Variants in GLIS3 observed in about 807,000 individuals in gnomAD.
The protein encoded by GLIS3 is GLIS family zinc finger 3.
Under a neutral mutation model 78.6 loss-of-function variants are expected in GLIS3, and 53 were observed. The observed-to-expected ratio is 0.67, with a 90% CI of 0.54 to 0.85. The LOEUF (loss-of-function observed/expected upper bound fraction) is 0.85, where lower values mean the gene tolerates loss of function less well. Ranked by LOEUF, GLIS3 falls within the 40% of genes least tolerant of loss-of-function variation. The pLI is 0.00. For synonymous variants in GLIS3, 684 were observed against 509.9 expected (o/e 1.34, Z -4.60); for missense variants, 1,703 against 1,231.1 (o/e 1.38, Z -5.74).
At chr9:4,156,428 A>G (rs552492013) in intron 2 of GLIS3, among the ~76,000 whole-genome samples, 3 of 152,266 alleles carry the variant, frequency 2.0e-5, no homozygotes, top group Admixed American at 6.5e-5. Flanking sequence ...TATCCACCCA[A>G]TACACACTTA....
chr9:3,982,191 C>G (rs1023762070), intron 4 of GLIS3, among the ~76,000 whole-genome samples: 1 of 151,886 alleles, frequency 6.6e-6, no homozygotes, highest in African/African-American at 2.4e-5. Flanking sequence ...CCTCTACCAG[C>G]AGGAGGTACC....
the GLIS3 span, among the ~76,000 whole-genome samples, chr9:4,355,905 T>C: frequency 6.6e-6 from 1 of 152,356 alleles, no homozygotes; most frequent in East Asian, 1.9e-4. Flanking sequence ...AAATGTTCTA[T>C]ATCTTGATTA....
intron 2 of GLIS3, among the ~76,000 whole-genome samples, chr9:4,281,405 C>G (rs935355831): frequency 7.2e-5 from 11 of 152,264 alleles, no homozygotes; most frequent in Admixed American, 1.3e-4. Context: ...TCCTCACCAA[C>G]TGAAGCTCTG....
At chr9:4,434,053 G>A in the GLIS3 span, among the ~76,000 whole-genome samples, 5 of 141,076 alleles carry the variant, frequency 3.5e-5, no homozygotes, top group Admixed American at 1.5e-4. Flanking sequence ...CCGAGATTGC[G>A]CCACCACACT....
chr9:4,405,580 A>G, the GLIS3 span, among the ~76,000 whole-genome samples: 1 of 152,158 alleles, frequency 6.6e-6, no homozygotes, highest in Non-Finnish European at 1.5e-5. Context: ...TGAGGCTGTA[A>G]TAAAAAGTCT....
chr9:4,364,108 C>T, the GLIS3 span, among the ~76,000 whole-genome samples: 54,676 of 152,042 alleles, frequency 0.36, 10,000 homozygotes, highest in Middle Eastern at 0.47. Context: ...AGTCACAAAG[C>T]CTGTCCTTCA....
chr9:3,865,030 A>G (rs1449400761), intron 8 of GLIS3, among the ~76,000 whole-genome samples: 1 of 152,158 alleles, frequency 6.6e-6, no homozygotes, highest in Non-Finnish European at 1.5e-5. Flanking sequence ...GTCCAGCTGG[A>G]TATTATATTT....
intron 4 of GLIS3, among the ~76,000 whole-genome samples, chr9:4,025,450 T>C (rs1415060529): frequency 6.6e-6 from 1 of 152,030 alleles, no homozygotes; most frequent in East Asian, 1.9e-4. Flanking sequence ...TGGGGTGGCG[T>C]GATCTTGGCT....
chr9:4,290,085 G>C (rs4237150), intron 1 of GLIS3, among the ~76,000 whole-genome samples: 69,997 of 151,854 alleles, frequency 0.46, 16,297 homozygotes, highest in African/African-American at 0.53. Context: ...AAAATTTCAA[G>C]AACATGACTT....
At chr9:4,387,189 C>A in the GLIS3 span, among the ~76,000 whole-genome samples, 3 of 152,158 alleles carry the variant, frequency 2.0e-5, no homozygotes, top group East Asian at 5.8e-4. Flanking sequence ...CTGGACTGTT[C>A]TAGAATCTCT....
chr9:4,334,761 C>T (rs1004902066), intron 2 of GLIS3, among the ~76,000 whole-genome samples: 4 of 152,190 alleles, frequency 2.6e-5, no homozygotes, highest in African/African-American at 9.7e-5. Flanking sequence ...CTACAGAAGG[C>T]CACTTACAGC....
intron 2 of GLIS3, among the ~76,000 whole-genome samples, chr9:4,169,803 G>C (rs976500502): frequency 6.6e-6 from 1 of 152,190 alleles, no homozygotes; most frequent in Admixed American, 6.5e-5. Flanking sequence ...TCTGGGTAAA[G>C]AGTATAGGAG....
intron 4 of GLIS3, among the ~76,000 whole-genome samples, chr9:4,009,980 G>A (rs1042793495): frequency 2.6e-5 from 4 of 152,192 alleles, no homozygotes; most frequent in African/African-American, 9.7e-5. Flanking sequence ...TGTGGAGCAT[G>A]GGGTCTCTAC....
chr9:4,172,926 T>C (rs1357202997), intron 2 of GLIS3, among the ~76,000 whole-genome samples: 3 of 152,144 alleles, frequency 2.0e-5, no homozygotes, highest in Admixed American at 6.5e-5. Context: ...GGCCAGATGG[T>C]TGGTTGCTCT....
chr9:3,904,338 A>G (rs2130640199), intron 6 of GLIS3, among the ~76,000 whole-genome samples: 1 of 152,356 alleles, frequency 6.6e-6, no homozygotes, highest in South Asian at 2.1e-4. Flanking sequence ...TTTCACTAAA[A>G]AAAGAATAAA....
intron 2 of GLIS3, among the ~76,000 whole-genome samples, chr9:4,255,694 G>C (rs566171204): frequency 2.0e-5 from 3 of 152,240 alleles, no homozygotes; most frequent in East Asian, 1.9e-4. Flanking sequence ...ATCAGTGGTT[G>C]CCAAGAGCTA....
At chr9:4,378,035 G>T in the GLIS3 span, among the ~76,000 whole-genome samples, 56 of 152,178 alleles carry the variant, frequency 3.7e-4, no homozygotes, top group African/African-American at 1.2e-3. Flanking sequence ...TCCTTCATCT[G>T]GTAAATGGGT....
At chr9:4,068,761 T>A (rs1204016099) in intron 4 of GLIS3, among the ~76,000 whole-genome samples, 3 of 152,056 alleles carry the variant, frequency 2.0e-5, no homozygotes, top group African/African-American at 7.2e-5. Context: ...AAAAGAGCAC[T>A]GTCAAGGGAT....
chr9:4,096,192 G>C (rs1370958917), intron 4 of GLIS3, among the ~76,000 whole-genome samples: 2 of 152,086 alleles, frequency 1.3e-5, no homozygotes, highest in Non-Finnish European at 2.9e-5. Context: ...ATCACCAAAA[G>C]TGACTTAAAA....
Sources: allele counts gnomAD v4.1 joint callset (sites outside exome capture counted in the v4.1 genomes callset), GRCh38; gene constraint gnomAD v4.1.1; transcripts MANE v1.5; gene names NCBI Gene and HGNC (gene_info 2026-07-23, HGNC 2026-07-21).